The following SYBU variants were observed in gnomAD, a reference collection of about 807,000 sequenced individuals.
SYBU encodes syntabulin.
In SYBU, 21 loss-of-function variants were observed where a neutral mutation model predicts 35.9. The ratio of observed to expected loss-of-function variants is 0.58; its 90% CI spans 0.41 to 0.84. The LOEUF (loss-of-function observed/expected upper bound fraction) is 0.84, where lower values mean the gene tolerates loss of function less well. Ranked by LOEUF, SYBU falls within the 40% of genes least tolerant of loss-of-function variation. The pLI is 0.00. For missense variants in SYBU, 768 were observed against 848.2 expected, an observed-to-expected ratio of 0.91 and a Z score of 1.17; for synonymous variants, 319 against 324.3, an observed-to-expected ratio of 0.98 and a Z score of 0.18.
intron 1 of SYBU, among the ~76,000 whole-genome samples, chr8:109,666,195 G>A (rs776313965): frequency 6.6e-6 from 1 of 152,176 alleles, no homozygotes; most frequent in Non-Finnish European, 1.5e-5. Flanking sequence ...GATTAGGAAT[G>A]GAAAATATCG....
intron 3 of SYBU, chr8:109,607,805 A>AAC (rs1157913419): frequency 3.8e-4 from 125 of 332,338 alleles, no homozygotes; most frequent in South Asian, 5.0e-4. Context: ...TACCACAACT[A>AAC]ACTCACACAC....
chr8:109,662,725 A>G (rs1816608608), intron 1 of SYBU, among the ~76,000 whole-genome samples: 1 of 152,166 alleles, frequency 6.6e-6, no homozygotes. Flanking sequence ...GCTTTTCAAA[A>G]TTGGCTTTCT....
chr8:109,653,610 C>T (rs1816239380), intron 1 of SYBU, among the ~76,000 whole-genome samples: 1 of 152,174 alleles, frequency 6.6e-6, no homozygotes, highest in African/African-American at 2.4e-5. Flanking sequence ...TCAGTGCTGC[C>T]TGGCAATCAT....
chr8:109,661,939 TG>T (rs1241869757), intron 1 of SYBU, among the ~76,000 whole-genome samples: 1 of 152,356 alleles, frequency 6.6e-6, no homozygotes, highest in East Asian at 1.9e-4. Flanking sequence ...ATGCTTACTG[TG>T]GAATTTAGAT....
intron 3 of SYBU, among the ~76,000 whole-genome samples, chr8:109,616,956 T>C (rs964748052): frequency 1.3e-5 from 2 of 151,826 alleles, no homozygotes; most frequent in African/African-American, 4.8e-5. Flanking sequence ...CTGACCAACA[T>C]GGTGAAACCC....
intron 1 of SYBU, among the ~76,000 whole-genome samples, chr8:109,669,435 T>C (rs748615628): frequency 3.3e-5 from 5 of 149,326 alleles, no homozygotes; most frequent in Non-Finnish European, 7.4e-5. Flanking sequence ...TCTGACTGAA[T>C]AGATTACATG....
chr8:109,681,301 T>G (rs895002650), upstream of SYBU, among the ~76,000 whole-genome samples: 28 of 151,788 alleles, frequency 1.8e-4, no homozygotes, highest in African/African-American at 6.5e-4. Context: ...CTTAGGGGAG[T>G]GAAATATAGA....
intron 1 of SYBU, chr8:109,643,822 G>A (rs892107670): frequency 1.2e-5 from 4 of 342,196 alleles, no homozygotes; most frequent in Non-Finnish European, 2.3e-5. Flanking sequence ...GGCTAAATGG[G>A]GTAGAGATGC....
chr8:109,609,919 A>T (rs561272363), intron 3 of SYBU, among the ~76,000 whole-genome samples: 2 of 152,284 alleles, frequency 1.3e-5, no homozygotes, highest in South Asian at 2.1e-4. Flanking sequence ...GTTTCACCTC[A>T]TGATAATCCA....
chr8:109,589,472 T>C (rs1466369276), intron 3 of SYBU, among the ~76,000 whole-genome samples: 2 of 152,148 alleles, frequency 1.3e-5, no homozygotes, highest in Non-Finnish European at 2.9e-5. Flanking sequence ...CAGGATGAAT[T>C]TGATGACCTT....
At chr8:109,610,154 C>A (rs1811011129) in intron 3 of SYBU, among the ~76,000 whole-genome samples, 1 of 152,126 alleles carries the variant, frequency 6.6e-6, no homozygotes, top group South Asian at 2.1e-4. Context: ...TGTCACCACC[C>A]CAGACACTCC....
rs936007678 is a variant in SYBU, at chr8:109,633,817, T to A, written c.229+8911A>T. On this transcript the variant is annotated intron_variant, in intron 2 of 6. Transcript: ENST00000276646. ...GGCGCAATCTTGGCTCACTGCAGCC[T>A]CCACCTCCCGGGCTCAAGTGATTCT... 6.6e-5 allele frequency among the ~76,000 whole-genome samples: 10 copies of A among 152,094 alleles called. No individual in the cohort carries two copies. The South Asian group carries it at 1.2e-3, about 19-fold the overall frequency.
chr8:109,597,552 T>C (rs1316999975), intron 3 of SYBU, among the ~76,000 whole-genome samples: 4 of 150,616 alleles, frequency 2.7e-5, no homozygotes, highest in African/African-American at 4.9e-5. Flanking sequence ...ACCCCATCTC[T>C]GAAAAAAAAA....
At chr8:109,603,305 C>T in intron 3 of SYBU, 1 of 655,046 alleles carries the variant, frequency 1.5e-6, no homozygotes, top group Non-Finnish European at 1.9e-6. Context: ...AAAACATTTT[C>T]TACAAATCCT....
At chr8:109,585,542 A>G (rs544778322) in intron 4 of SYBU, among the ~76,000 whole-genome samples, 2 of 152,268 alleles carry the variant, frequency 1.3e-5, no homozygotes, top group South Asian at 4.1e-4. Context: ...GGTGTGCTCT[A>G]TGGGGTGGCC....
chr8:109,644,612 C>T lies in SYBU; in HGVS notation c.24+24G>A, dbSNP rs751325039. On this transcript the variant is annotated intron_variant, in intron 1 of 6. Coordinates refer to ENST00000276646, the MANE Select transcript of SYBU (RefSeq NM_001099754.2). ...TGCCCGCCTTCCCCGCCCTCCAGTGCCCGCACTGCCCCGCGCTCCTTACCT... is the reference window on the plus strand; with the variant it reads ...TGCCCGCCTTCCCCGCCCTCCAGTGTCCGCACTGCCCCGCGCTCCTTACCT... 5.2e-6 allele frequency: 8 copies of T among 1,544,580 alleles called. No individual in the cohort carries two copies. In the Admixed American group the frequency reaches 5.7e-5, roughly 11 times the overall value.
chr8:109,603,441 G>C (rs116911188), intron 3 of SYBU: 37 of 983,596 alleles, frequency 3.8e-5, no homozygotes, highest in Non-Finnish European at 4.2e-5. Flanking sequence ...CTCACTCTCA[G>C]TGACATCTGG....
chr8:109,607,871 C>T, intron 3 of SYBU: 1 of 941,692 alleles, frequency 1.1e-6, no homozygotes, highest in Non-Finnish European at 1.6e-6. Flanking sequence ...CCTCTGTGAT[C>T]CAATATAATT....
chr8:109,587,126 C>T lies in SYBU; in HGVS notation c.428-964G>A, dbSNP rs1010901637. ...AGTCTAGGTATACAGTTTAATTTGA[C>T]CTTGTTGCTCAACTCCTACCACATA... On this transcript the variant is annotated intron_variant, in intron 3 of 6. Coordinates refer to ENST00000276646, the MANE Select transcript of SYBU (RefSeq NM_001099754.2). Among the ~76,000 whole-genome samples, 4 of 152,092 alleles carry T rather than the reference C, an allele frequency of 2.6e-5. No individual in the cohort carries two copies. In the East Asian group the frequency reaches 5.8e-4, roughly 22 times the overall value.
Sources: gnomAD v4.1 joint callset for allele counts (sites outside exome capture counted in the v4.1 genomes callset) on GRCh38, gnomAD v4.1.1 for gene constraint, MANE v1.5 for transcripts, NCBI Gene and HGNC (gene_info 2026-07-23, HGNC 2026-07-21) for gene names.